Variants in NPY2R observed in about 807,000 individuals in gnomAD.
The protein encoded by NPY2R is neuropeptide Y receptor type 2.
Under a neutral mutation model 22.3 loss-of-function variants are expected in NPY2R, and 17 were observed. The ratio of observed to expected loss-of-function variants is 0.76; its 90% CI spans 0.52 to 1.14. NPY2R has a LOEUF of 1.14. Ranked by LOEUF, NPY2R falls within the 50% of genes most tolerant of loss-of-function variation. The pLI, the probability that NPY2R is intolerant of heterozygous loss-of-function variation, is 0.00. For synonymous variants in NPY2R, 209 were observed against 183.4 expected (o/e 1.14, Z -1.13); for missense variants, 424 against 467.9 (o/e 0.91, Z 0.87).
At chr4:155,194,805 C>A in the NPY2R span, among the ~76,000 whole-genome samples, 1 of 151,896 alleles carries the variant, frequency 6.6e-6, no homozygotes. Flanking sequence ...TTTGAGAAAT[C>A]TCCATACTGC....
At chr4:155,176,602 C>A in the NPY2R span, among the ~76,000 whole-genome samples, 1 of 152,160 alleles carries the variant, frequency 6.6e-6, no homozygotes, top group East Asian at 1.9e-4. Context: ...ATAAACACAA[C>A]TTCAGCTTTG....
chr4:155,210,828 A>T (rs1237905953), intron 1 of NPY2R, among the ~76,000 whole-genome samples: 1 of 152,170 alleles, frequency 6.6e-6, no homozygotes, highest in Non-Finnish European at 1.5e-5. Flanking sequence ...TGAGGGAAAG[A>T]TGCGGAAAGA....
rs1560766406 is a variant in NPY2R, at chr4:155,216,102, G to T, written c.*1017G>T. On this transcript the variant is annotated 3_prime_UTR_variant, in exon 2 of 2. Coordinates refer to ENST00000329476, the MANE Select transcript of NPY2R (RefSeq NM_000910.4). ...TTTTCTTTGAAATTCATCCTCCACG[G>T]ACCCATTCATACTAAATAAAACAAT... The T allele has an allele frequency of 6.0e-6, 1 of 166,788 alleles. No homozygotes were observed. Among genetic ancestry groups the T allele is most frequent in the Non-Finnish European group, 1.5e-5 (1 of 68,092 alleles). The allele number at this position is 166,788 out of a possible 1,614,324, so 10.3% of individuals were successfully genotyped here. A position where few individuals can be genotyped will look rare whatever the true frequency, so the allele number is the denominator to read the frequency against.
intron 1 of NPY2R, 91 bp downstream of exon 1, chr4:155,209,160 T>C (rs567382731): frequency 1.8e-4 from 27 of 152,244 alleles, no homozygotes; most frequent in African/African-American, 6.3e-4. Flanking sequence ...CATGAGGAGG[T>C]CCTCATGAGT....
At chr4:155,212,405 G>GA (rs150384373) in intron 1 of NPY2R, among the ~76,000 whole-genome samples, 3 of 151,722 alleles carry the variant, frequency 2.0e-5, no homozygotes, top group East Asian at 1.9e-4. Context: ...TTGAATTTCA[G>GA]AAAAAAAAAT....
At chr4:155,188,970 T>C in the NPY2R span, among the ~76,000 whole-genome samples, 2 of 152,112 alleles carry the variant, frequency 1.3e-5, no homozygotes, top group Non-Finnish European at 2.9e-5. Context: ...AAGAGAACTT[T>C]TAAAAAATAC....
the NPY2R span, among the ~76,000 whole-genome samples, chr4:155,194,657 G>T: frequency 3.3e-5 from 5 of 151,898 alleles, no homozygotes; most frequent in Non-Finnish European, 7.4e-5. Context: ...GGGCATCTTG[G>T]TTGATTCCAC....
chr4:155,208,434 C>T (rs551365298), upstream of NPY2R: 2 of 152,322 alleles, frequency 1.3e-5, no homozygotes, highest in South Asian at 4.2e-4. The surrounding 1 kb of genome is among the most constrained non-coding windows in gnomAD (Gnocchi z 5.6). Flanking sequence ...GGCCAGCTCT[C>T]GCGGAACTGG....
chr4:155,214,353 A>C lies in NPY2R; in HGVS notation c.414A>C (p.Thr138=). The part of the protein sequence containing the change: ...YAQGLAVQVS[T]ITLTVIALDR... ...AGGGCCTGGCAGTACAAGTATCCAC[A>C]ATCACCTTGACAGTAATTGCCCTGG... Residue 138 remains threonine (T), a synonymous_variant, in exon 2 of 2, where the codon ACA becomes ACC. Transcript: ENST00000329476. The C allele has an allele frequency of 3.1e-6, 5 of 1,614,142 alleles. No individual in the cohort carries two copies. The highest frequency in any genetic ancestry group is 4.2e-6 in the Non-Finnish European group (5 of 1,180,012).
At chr4:155,209,700 C>T (rs1010752326) in intron 1 of NPY2R, among the ~76,000 whole-genome samples, 1 of 152,138 alleles carries the variant, frequency 6.6e-6, no homozygotes, top group Non-Finnish European at 1.5e-5. Context: ...CCCCTGCCCC[C>T]ATTCCTAGAA....
At chr4:155,187,157 G>T in the NPY2R span, among the ~76,000 whole-genome samples, 1 of 152,182 alleles carries the variant, frequency 6.6e-6, no homozygotes, top group African/African-American at 2.4e-5. Context: ...CAGGCACACA[G>T]CTTGCAGCTC....
the NPY2R span, among the ~76,000 whole-genome samples, chr4:155,196,894 G>T: frequency 6.6e-6 from 1 of 151,900 alleles, no homozygotes; most frequent in East Asian, 1.9e-4. Context: ...GAATTGTGTG[G>T]ATGGGACAGT....
At chr4:155,180,765 T>C in the NPY2R span, among the ~76,000 whole-genome samples, 1 of 151,968 alleles carries the variant, frequency 6.6e-6, no homozygotes, top group Non-Finnish European at 1.5e-5. Flanking sequence ...AGTAACTGTC[T>C]ATTTGTATGA....
chr4:155,182,585 C>T, the NPY2R span, among the ~76,000 whole-genome samples: 1 of 152,096 alleles, frequency 6.6e-6, no homozygotes, highest in South Asian at 2.1e-4. Flanking sequence ...TCTCTCAGGC[C>T]ACAATAGGAG....
At chr4:155,189,403 T>C in the NPY2R span, among the ~76,000 whole-genome samples, 1 of 152,024 alleles carries the variant, frequency 6.6e-6, no homozygotes, top group African/African-American at 2.4e-5. Flanking sequence ...ATTCCTGTCC[T>C]CTGTCCTAGC....
chr4:155,210,704 A>T (rs899506150), intron 1 of NPY2R, among the ~76,000 whole-genome samples: 1 of 152,202 alleles, frequency 6.6e-6, no homozygotes, highest in South Asian at 2.1e-4. Context: ...TGTGAAATTT[A>T]TGCAGAGGGA....
the NPY2R span, among the ~76,000 whole-genome samples, chr4:155,195,330 G>A: frequency 6.6e-6 from 1 of 151,694 alleles, no homozygotes. Flanking sequence ...TTAAAATTAG[G>A]TATAAATGAA....
chr4:155,192,557 G>A, the NPY2R span, among the ~76,000 whole-genome samples: 1 of 151,816 alleles, frequency 6.6e-6, no homozygotes, highest in Non-Finnish European at 1.5e-5. Context: ...ATTTTCTATA[G>A]ACATTCCTTG....
At chr4:155,177,775 A>G in the NPY2R span, among the ~76,000 whole-genome samples, 1 of 152,060 alleles carries the variant, frequency 6.6e-6, no homozygotes, top group Non-Finnish European at 1.5e-5. Context: ...CACCACATGT[A>G]TGCCATCAAA....
Sources: gnomAD v4.1 joint callset for allele counts (sites outside exome capture counted in the v4.1 genomes callset) on GRCh38, gnomAD v4.1.1 for gene constraint, Gnocchi (gnomAD v3.1) non-coding constraint, MANE v1.5 for transcripts, NCBI Gene and HGNC (gene_info 2026-07-23, HGNC 2026-07-21) for gene names.